NKAIN3: variants seen among roughly 807,000 people sequenced by gnomAD.
NKAIN3 encodes sodium/potassium-transporting ATPase subunit beta-1-interacting protein 3.
Under a neutral mutation model 30.2 loss-of-function variants are expected in NKAIN3, and 25 were observed. The ratio of observed to expected loss-of-function variants is 0.83; its 90% CI spans 0.60 to 1.16. NKAIN3 has a LOEUF of 1.16. Ranked by LOEUF, NKAIN3 falls within the 50% of genes most tolerant of loss-of-function variation. The probability of loss-of-function intolerance (pLI) is 0.00; values close to 1 mark genes in which losing one functional copy is unlikely to be tolerated. For synonymous variants in NKAIN3, 91 were observed against 89.6 expected (o/e 1.02, Z -0.09); for missense variants, 225 against 254.1 (o/e 0.89, Z 0.78).
At chr8:62,469,657 A>G (rs903718041) in intron 1 of NKAIN3, among the ~76,000 whole-genome samples, 9 of 152,162 alleles carry the variant, frequency 5.9e-5, no homozygotes, top group African/African-American at 2.2e-4. Flanking sequence ...TACTGAGGAT[A>G]TGTAACTCAC....
intron 5 of NKAIN3, among the ~76,000 whole-genome samples, chr8:62,952,371 A>G (rs953516655): frequency 1.3e-5 from 2 of 152,234 alleles, no homozygotes; most frequent in Non-Finnish European, 2.9e-5. Context: ...ACACTATTTT[A>G]CCAATGAAAA....
rs1016662696 is a variant in NKAIN3 at position 62,312,069 on chromosome 8, GA to G, written c.54+62951del. On this transcript the variant is annotated intron_variant, in intron 1 of 6. Transcript: ENST00000623646. ...ATGATCAAGTGAGAAAAAATTTTCA[GA>G]AAAAAAAATAAAGGAGAATGTTCTA... Among the ~76,000 whole-genome samples the G allele has an allele frequency of 2.0e-5, 3 of 148,090 alleles. No individual in the cohort carries two copies. The South Asian group carries it at 6.3e-4, about 31-fold the overall frequency.
chr8:62,514,541 G>A (rs532707635), intron 1 of NKAIN3, among the ~76,000 whole-genome samples: 1 of 152,226 alleles, frequency 6.6e-6, no homozygotes, highest in Admixed American at 6.5e-5. Flanking sequence ...ATATGAGATT[G>A]TTAGTCACAT....
At chr8:62,755,171 T>A (rs951302558) in intron 4 of NKAIN3, among the ~76,000 whole-genome samples, 2 of 152,134 alleles carry the variant, frequency 1.3e-5, no homozygotes, top group African/African-American at 4.8e-5. Flanking sequence ...CATGGAGAAG[T>A]TAAAAAATGT....
rs888640511 is a variant in NKAIN3, at chr8:62,969,514, C to G, written c.*4107C>G. Among the ~76,000 whole-genome samples the G allele has an allele frequency of 1.3e-5, 2 of 152,122 alleles. No individual in the cohort carries two copies. The highest frequency in any genetic ancestry group is 2.9e-5 in the Non-Finnish European group (2 of 68,016). On this transcript the variant is annotated 3_prime_UTR_variant, in exon 7 of 7. Coordinates refer to ENST00000623646, the MANE Select transcript of NKAIN3 (RefSeq NM_001304533.3). ...TGTCCCCAAATATGGTCTATTCTGG[C>G]TAATCATTTTTTAAGCAAATCCTCA...
chr8:62,339,811 G>T (rs1338389980), intron 1 of NKAIN3, among the ~76,000 whole-genome samples: 2 of 152,018 alleles, frequency 1.3e-5, no homozygotes, highest in African/African-American at 2.4e-5. Flanking sequence ...ATTTTATAAT[G>T]TAAGAACGGT....
chr8:62,394,750 C>T (rs1817685026), intron 1 of NKAIN3, among the ~76,000 whole-genome samples: 1 of 150,976 alleles, frequency 6.6e-6, no homozygotes, highest in Non-Finnish European at 1.5e-5. Context: ...GGGGTGGCGG[C>T]TGGGCAGAGG....
rs1051344494 is a variant in NKAIN3, at chr8:62,980,488, C to A, written c.*15081C>A. On this transcript the variant is annotated 3_prime_UTR_variant, in exon 7 of 7. Coordinates refer to ENST00000623646, the MANE Select transcript of NKAIN3 (RefSeq NM_001304533.3). ...AATGATAATACAAATAAGAGTACGA[C>A]ATACGTAAATGTTGATTAGCTTTCT... 2 of 152,222 alleles carry A rather than the reference C, an allele frequency of 1.3e-5. No individual in the cohort carries two copies. The highest frequency in any genetic ancestry group is 4.8e-5 in the African/African-American group (2 of 41,458). The allele number at this position is 152,222 out of a possible 1,614,324, so 9.4% of individuals were successfully genotyped here.
intron 2 of NKAIN3, among the ~76,000 whole-genome samples, chr8:62,581,356 A>G (rs776075467): frequency 2.0e-5 from 3 of 152,110 alleles, no homozygotes; most frequent in Non-Finnish European, 2.9e-5. Flanking sequence ...GTTTTATGAT[A>G]TTGGTATTCT....
At chr8:62,371,344 T>A (rs540911443) in intron 1 of NKAIN3, among the ~76,000 whole-genome samples, 2 of 152,094 alleles carry the variant, frequency 1.3e-5, no homozygotes, top group South Asian at 4.1e-4. Flanking sequence ...AACTAGTTTT[T>A]ATATGCATAG....
intron 4 of NKAIN3, among the ~76,000 whole-genome samples, chr8:62,806,986 T>A (rs1287909079): frequency 6.6e-6 from 1 of 152,092 alleles, no homozygotes; most frequent in Non-Finnish European, 1.5e-5. Context: ...GGTCCACTGA[T>A]GACCCTGCCC....
chr8:62,412,909 C>CAAAAAAAAAAAAAAA (rs71501599), intron 1 of NKAIN3, among the ~76,000 whole-genome samples: 2 of 97,932 alleles, frequency 2.0e-5, no homozygotes, highest in Non-Finnish European at 3.9e-5. Flanking sequence ...GAGACTCCGT[C>CAAAAAAAAAAAAAAA]AAAAAAAAAA....
intron 4 of NKAIN3, among the ~76,000 whole-genome samples, chr8:62,869,760 T>G (rs1434331815): frequency 6.6e-6 from 1 of 151,486 alleles, no homozygotes; most frequent in African/African-American, 2.4e-5. Flanking sequence ...TTTGTTTGTT[T>G]CTGTTTTTGT....
Position 62,589,756 on chromosome 8 carries a change from A to G in NKAIN3, c.235A>G (p.Ile79Val). The stretch of plus-strand genomic sequence containing the variant: ...CCTCTGGGTCACCTGGAATGTGTTC[A>G]TTATCTGCTTTTATTTGGAAGTAGG... Reference protein sequence around the residue: ...TALWVTWNVFIICFYLEVGGL... With the variant: ...TALWVTWNVFVICFYLEVGGL... The change falls in exon 3 of 7, where the codon ATT (isoleucine) becomes GTT (valine). Residue 79 changes from isoleucine (I) to valine (V), a missense_variant. Ile to Val is a conservative substitution (Grantham distance 29). Transcript: ENST00000623646. 1.2e-6 allele frequency: 2 copies of G among 1,605,622 alleles called. No individual in the cohort carries two copies. The highest frequency in any genetic ancestry group is 2.2e-5 in the South Asian group (2 of 90,638).
chr8:62,834,932 C>A (rs973597941), intron 4 of NKAIN3, among the ~76,000 whole-genome samples: 1 of 152,002 alleles, frequency 6.6e-6, no homozygotes, highest in African/African-American at 2.4e-5. Context: ...TTAAAATATA[C>A]AATAAGGCAG....
intron 3 of NKAIN3, among the ~76,000 whole-genome samples, chr8:62,730,632 T>C (rs1390148665): frequency 6.6e-6 from 1 of 152,162 alleles, no homozygotes; most frequent in Non-Finnish European, 1.5e-5. Context: ...TTTGTAAGAA[T>C]TAAAGAATTT....
intron 1 of NKAIN3, among the ~76,000 whole-genome samples, chr8:62,511,260 T>C (rs1807805352): frequency 6.6e-6 from 1 of 152,160 alleles, no homozygotes; most frequent in Admixed American, 6.6e-5. Flanking sequence ...TCCTACCGCC[T>C]TCCGCGGGGT....
intron 1 of NKAIN3, among the ~76,000 whole-genome samples, chr8:62,412,573 A>G (rs569164397): frequency 1.3e-5 from 2 of 152,244 alleles, no homozygotes; most frequent in African/African-American, 4.8e-5. Context: ...TCCAGACTCT[A>G]TAAGGAACTT....
rs548035850 is a variant in NKAIN3 at position 62,891,795 on chromosome 8, C to G, written c.472-26658C>G. ...CAGCCTTAAGAATGTGGCTTCTTCC[C>G]TCTTTCTCCTTCTTTTCTCTTCATC... On this transcript the variant is annotated intron_variant, in intron 4 of 6. Coordinates refer to ENST00000623646, the MANE Select transcript of NKAIN3 (RefSeq NM_001304533.3). Among the ~76,000 whole-genome samples the G allele has an allele frequency of 6.6e-5, 10 of 152,222 alleles. No homozygotes were observed. The South Asian group carries it at 2.1e-3, about 32-fold the overall frequency.
Sources: gnomAD v4.1 joint callset for allele counts (sites outside exome capture counted in the v4.1 genomes callset) on GRCh38, gnomAD v4.1.1 for gene constraint, MANE v1.5 for transcripts, NCBI Gene and HGNC (gene_info 2026-07-23, HGNC 2026-07-21) for gene names.